The following NRXN1 variants were observed in gnomAD, a reference collection of about 807,000 sequenced individuals.
NRXN1 encodes the protein neurexin 1.
In NRXN1, 39 loss-of-function variants were observed where a neutral mutation model predicts 150.9. The ratio of observed to expected loss-of-function variants is 0.26; its 90% CI spans 0.20 to 0.34. The LOEUF (loss-of-function observed/expected upper bound fraction) is 0.34, where lower values mean the gene tolerates loss of function less well. Ranked by LOEUF, NRXN1 falls within the 10% of genes least tolerant of loss-of-function variation. NRXN1 has a pLI of 1.00. For missense variants in NRXN1, 1,815 were observed against 1,949.9 expected (o/e 0.93, Z 1.30); for synonymous variants, 924 against 757.0 (o/e 1.22, Z -3.62).
chr2:50,416,804 A>G (rs905097429), intron 17 of NRXN1, among the ~76,000 whole-genome samples: 2 of 152,106 alleles, frequency 1.3e-5, no homozygotes, highest in South Asian at 2.1e-4. Flanking sequence ...TACCACCCCC[A>G]TTATTCAATT....
At chr2:50,793,803 G>C (rs987596592) in intron 5 of NRXN1, among the ~76,000 whole-genome samples, 1 of 152,088 alleles carries the variant, frequency 6.6e-6, no homozygotes, top group Admixed American at 6.6e-5. Flanking sequence ...AACCCCCAGA[G>C]GACCCTCAGC....
At position 50,184,648 on chromosome 2, in the gene NRXN1, A is replaced by G. The variant is rs555451150; in HGVS notation, c.3546+52141T>C. On this transcript the variant is annotated intron_variant, in intron 18 of 22. Coordinates refer to ENST00000401669, the MANE Select transcript of NRXN1 (RefSeq NM_001330078.2). ...AAATTAGAAACACATTTCAAAATTC[A>G]TGACCTTGGAAACTCTCATTTCATT... Among the ~76,000 whole-genome samples, 14 of 152,158 alleles carry G rather than the reference A, an allele frequency of 9.2e-5. No homozygotes were observed. The South Asian group carries it at 2.7e-3, about 29-fold the overall frequency.
At chr2:50,882,676 T>C (rs948921052) in intron 5 of NRXN1, among the ~76,000 whole-genome samples, 2 of 151,870 alleles carry the variant, frequency 1.3e-5, no homozygotes, top group Non-Finnish European at 2.9e-5. Flanking sequence ...GTGTTCTCAA[T>C]TCCTGAGAAA....
At chr2:50,694,034 T>G (rs1692447059) in intron 5 of NRXN1, among the ~76,000 whole-genome samples, 1 of 151,996 alleles carries the variant, frequency 6.6e-6, no homozygotes, top group Non-Finnish European at 1.5e-5. Context: ...CTCAAGGGAT[T>G]CTCTTGCCTT....
chr2:50,053,200 G>C, intron 21 of NRXN1, 71 bp downstream of exon 21: 1 of 1,484,372 alleles, frequency 6.7e-7, no homozygotes, highest in Non-Finnish European at 9.4e-7. Context: ...TAGAAAAGAC[G>C]CATATGCAGA....
chr2:50,485,388 G>A (rs751606966), intron 15 of NRXN1, among the ~76,000 whole-genome samples: 6 of 152,186 alleles, frequency 3.9e-5, no homozygotes, highest in Admixed American at 1.3e-4. Context: ...GAAGTAGCTC[G>A]TACTATGCAG....
At chr2:50,516,809 T>C (rs1007078211) in intron 12 of NRXN1, among the ~76,000 whole-genome samples, 1 of 152,172 alleles carries the variant, frequency 6.6e-6, no homozygotes. Context: ...CACATTTCTT[T>C]ATGCTAAAAA....
intron 8 of NRXN1, among the ~76,000 whole-genome samples, chr2:50,559,296 T>C (rs1437571073): frequency 2.0e-5 from 3 of 152,168 alleles, no homozygotes; most frequent in Non-Finnish European, 2.9e-5. Flanking sequence ...TTTGCCATGA[T>C]CTGGGTAAGA....
intron 17 of NRXN1, among the ~76,000 whole-genome samples, chr2:50,425,775 A>G (rs978928381): frequency 2.0e-5 from 3 of 152,112 alleles, no homozygotes; most frequent in African/African-American, 7.2e-5. Flanking sequence ...TGAGATGAAG[A>G]GGCATGTCGT....
intron 21 of NRXN1, among the ~76,000 whole-genome samples, chr2:49,945,391 CTT>C (rs200640344): frequency 2.1e-5 from 3 of 140,690 alleles, no homozygotes; most frequent in Non-Finnish European, 1.6e-5. Flanking sequence ...GGGGTTTTCT[CTT>C]TTTTTTTTTT....
intron 19 of NRXN1, among the ~76,000 whole-genome samples, chr2:50,066,541 T>C (rs1256419814): frequency 6.6e-6 from 1 of 152,130 alleles, no homozygotes; most frequent in African/African-American, 2.4e-5. Flanking sequence ...TGAATATTAA[T>C]CCTCAAAAGG....
At chr2:50,606,606 C>CAATAATAATAATAATAATAATAAT (rs3053107) in intron 8 of NRXN1, among the ~76,000 whole-genome samples, 17 of 146,972 alleles carry the variant, frequency 1.2e-4, no homozygotes, top group African/African-American at 4.2e-4. Context: ...GCTGCTCATA[C>CAATAATAATAATAATAATAATAAT]AATAATAATA....
intron 21 of NRXN1, among the ~76,000 whole-genome samples, chr2:50,027,548 T>C (rs918389429): frequency 6.6e-6 from 1 of 152,100 alleles, no homozygotes; most frequent in Non-Finnish European, 1.5e-5. Context: ...GCTCAAGCAA[T>C]CCTCCCAACT....
At chr2:50,059,979 G>A (rs1435042815) in intron 19 of NRXN1, among the ~76,000 whole-genome samples, 2 of 152,142 alleles carry the variant, frequency 1.3e-5, no homozygotes, top group East Asian at 3.8e-4. Flanking sequence ...ATGTGAGTGG[G>A]AGCCCCCACA....
At chr2:50,369,883 A>G (rs1335161673) in intron 17 of NRXN1, among the ~76,000 whole-genome samples, 2 of 152,026 alleles carry the variant, frequency 1.3e-5, no homozygotes, top group African/African-American at 4.8e-5. Context: ...CTACATCACC[A>G]TTGGGAGGAG....
chr2:50,972,544 CTAT>C (rs1205188947), intron 2 of NRXN1, among the ~76,000 whole-genome samples: 5 of 152,096 alleles, frequency 3.3e-5, no homozygotes, highest in Non-Finnish European at 5.9e-5. Context: ...CACTTTATTT[CTAT>C]TATTATTACA....
At chr2:50,577,704 A>G (rs900617218) in intron 8 of NRXN1, among the ~76,000 whole-genome samples, 2 of 142,478 alleles carry the variant, frequency 1.4e-5, no homozygotes, top group Admixed American at 7.6e-5. Context: ...ATAGTACCTG[A>G]CTGAAACACA....
At chr2:50,895,568 G>A (rs866780161) in intron 5 of NRXN1, among the ~76,000 whole-genome samples, 3 of 145,582 alleles carry the variant, frequency 2.1e-5, no homozygotes, top group African/African-American at 7.4e-5. Flanking sequence ...TTTTTTGGTT[G>A]TTTTTTTTGT....
rs70948712 is a variant in NRXN1, at chr2:50,483,050, CAAAAAAAA to C, written c.3071-10587_3071-10580del. Among the ~76,000 whole-genome samples, 77 of 75,408 alleles carry C rather than the reference CAAAAAAAA, an allele frequency of 1.0e-3. 1 individual carries two copies. Among genetic ancestry groups the C allele is most frequent in the African/African-American group, 3.3e-3 (65 of 19,404 alleles). 49.5% of individuals were successfully genotyped at this position (75,408 alleles called of 152,430 possible). Reference sequence around the variant, plus strand: ...TGGGCGACAGGGAGAGACTCCGTGTCAAAAAAAAAAAAAAAAAAAAAAAGGAATCTGGC... The same window carrying C: ...TGGGCGACAGGGAGAGACTCCGTGTCAAAAAAAAAAAAAAAGGAATCTGGC... On this transcript the variant is annotated intron_variant, in intron 15 of 22. Transcript: ENST00000401669.
Sources: allele counts gnomAD v4.1 joint callset (sites outside exome capture counted in the v4.1 genomes callset), GRCh38; gene constraint gnomAD v4.1.1; transcripts MANE v1.5; gene names NCBI Gene and HGNC (gene_info 2026-07-23, HGNC 2026-07-21).